Variants in ZNF862 observed in about 807,000 individuals in gnomAD.
ZNF862 encodes the protein zinc finger protein 862.
Under a neutral mutation model 91.1 loss-of-function variants are expected in ZNF862, and 64 were observed. The ratio of observed to expected loss-of-function variants is 0.70; its 90% CI spans 0.57 to 0.87. The LOEUF (loss-of-function observed/expected upper bound fraction) is 0.87. ZNF862 is among the 40% of genes least tolerant of loss of function. The pLI, the probability that ZNF862 is intolerant of heterozygous loss-of-function variation, is 0.00. For missense variants in ZNF862, 1,459 were observed against 1,528.0 expected (o/e 0.95, Z 0.75); for synonymous variants, 631 against 618.1 (o/e 1.02, Z -0.31).
rs1802526113 is a variant in ZNF862 at position 149,861,987 on chromosome 7, C to T, written c.2827C>T (p.Gln943Ter). ...QQRFDADRPP[Q>*]LKNMEVFDTM... ...GAGGTTTGACGCAGACCGACCCCCACAGCTGAAGAACATGGAGGTGTTTGA... is the reference window on the plus strand; with the variant it reads ...GAGGTTTGACGCAGACCGACCCCCATAGCTGAAGAACATGGAGGTGTTTGA... The change falls in exon 7 of 8, where the codon CAG (glutamine) becomes TAG (stop). Residue 943 changes from glutamine to a stop codon, truncating the protein, a stop_gained. Coordinates refer to ENST00000223210, the MANE Select transcript of ZNF862 (RefSeq NM_001099220.3). LOFTEE classifies it high-confidence loss of function. This position sits in a 1 kb window ranked among gnomAD's most constrained non-coding sequence, Gnocchi z 6.7. The T allele has an allele frequency of 6.2e-7, 1 of 1,613,780 alleles. No homozygotes were observed. Among genetic ancestry groups the T allele is most frequent in the Non-Finnish European group, 8.5e-7 (1 of 1,179,896 alleles).
chr7:149,840,955 C>G, intron 1 of ZNF862: 4 of 985,390 alleles, frequency 4.1e-6, no homozygotes, highest in Non-Finnish European at 4.8e-6. Context: ...AAACCTGATT[C>G]CGTGTCCTGT....
At position 149,848,083 on chromosome 7, in the gene ZNF862, A is replaced by T; in HGVS notation, c.590A>T (p.Lys197Met). 1 of 1,614,080 alleles carries T rather than the reference A, an allele frequency of 6.2e-7. No individual in the cohort carries two copies. The highest frequency in any genetic ancestry group is 8.5e-7 in the Non-Finnish European group (1 of 1,179,902). Reference protein sequence around the residue: ...VETLKYHAKSKAHMFCVNALA... With the variant: ...VETLKYHAKSMAHMFCVNALA... ...ACTCTCAAATACCACGCGAAGAGCA[A>T]GGCCCACATGTTCTGTGTCAATGCC... The change falls in exon 4 of 8, where the codon AAG (lysine) becomes ATG (methionine). Residue 197 changes from lysine (K) to methionine (M), a missense_variant. Lys to Met is a moderately conservative substitution (Grantham distance 95, BLOSUM62 -1). Transcript: ENST00000223210.
intron 1 of ZNF862, among the ~76,000 whole-genome samples, chr7:149,843,042 A>G (rs1254796815): frequency 2.6e-5 from 4 of 152,372 alleles, no homozygotes. Context: ...GAGGTTATAT[A>G]CCAAATGTTA....
chr7:149,845,798 C>A (rs1801847550), intron 2 of ZNF862, among the ~76,000 whole-genome samples: 1 of 152,176 alleles, frequency 6.6e-6, no homozygotes, highest in Admixed American at 6.5e-5. Context: ...TCCCTTACGT[C>A]TTGCAGGTTG....
At chr7:149,853,085 G>A (rs906348233) in intron 5 of ZNF862, among the ~76,000 whole-genome samples, 1 of 152,168 alleles carries the variant, frequency 6.6e-6, no homozygotes, top group Non-Finnish European at 1.5e-5. Context: ...GGCTAGAGTG[G>A]CATCTATTTA....
Position 149,859,576 on chromosome 7 carries a change from G to A in ZNF862, c.1222+50G>A, listed in dbSNP as rs576099382. ...GAAGGACATGTGCCAGGGCCCAGGCGGCTATGATGAGTCAAACAGCATGAG... is the reference window on the plus strand; with the variant it reads ...GAAGGACATGTGCCAGGGCCCAGGCAGCTATGATGAGTCAAACAGCATGAG... On this transcript the variant is annotated intron_variant, in intron 6 of 7. Coordinates refer to ENST00000223210, the MANE Select transcript of ZNF862 (RefSeq NM_001099220.3). 1.7e-5 allele frequency: 25 copies of A among 1,441,388 alleles called. 1 individual carries two copies. Among genetic ancestry groups the A allele is most frequent in the East Asian group, 1.2e-4 (5 of 40,396 alleles). The allele number at this position is 1,441,388 out of a possible 1,614,324, so 89.3% of individuals were successfully genotyped here.
Position 149,862,108 on chromosome 7 carries a change from G to C in ZNF862, c.2948G>C (p.Gly983Ala). ...TATTTCGAGTGCTCCCTCCCAACAGGATACAGTGAGGAAGCTCTGCTGGAG... is the reference window on the plus strand; with the variant it reads ...TATTTCGAGTGCTCCCTCCCAACAGCATACAGTGAGGAAGCTCTGCTGGAG... ...ARYFECSLPT[G>A]YSEEALLEEW... Residue 983 changes from glycine to alanine, a missense_variant, in exon 7 of 8, where the codon GGA becomes GCA. By Grantham distance (60) the Gly-to-Ala change is moderately conservative (BLOSUM62 0). Transcript: ENST00000223210. 1 of 1,613,594 alleles carries C rather than the reference G, an allele frequency of 6.2e-7. No individual in the cohort carries two copies. The highest frequency in any genetic ancestry group is 1.1e-5 in the South Asian group (1 of 91,088).
chr7:149,843,649 T>C (rs1801777989), intron 1 of ZNF862, among the ~76,000 whole-genome samples: 1 of 152,156 alleles, frequency 6.6e-6, no homozygotes, highest in South Asian at 2.1e-4. Context: ...TCTGCTGACA[T>C]TTAGTGGTGG....
chr7:149,860,687 G>A lies in ZNF862; in HGVS notation c.1527G>A (p.Gly509=). 1.2e-6 allele frequency: 2 copies of A among 1,613,884 alleles called. No homozygotes were observed. Among genetic ancestry groups the A allele is most frequent in the East Asian group, 2.2e-5 (1 of 44,878 alleles). Reference sequence around the variant, plus strand: ...CTCGGTTAGTCAGAGGTTACACGGGGCCTTTTAAAGTGGAGACTTTAAAAT... The same window carrying A: ...CTCGGTTAGTCAGAGGTTACACGGGACCTTTTAAAGTGGAGACTTTAAAAT... ...KSSRLVRGYT[G]PFKVETLKYH... Residue 509 remains glycine (G), a synonymous_variant, in exon 7 of 8, where the codon GGG becomes GGA. Coordinates refer to ENST00000223210, the MANE Select transcript of ZNF862 (RefSeq NM_001099220.3).
chr7:149,860,068 G>A (rs369337847), intron 6 of ZNF862: 58 of 376,746 alleles, frequency 1.5e-4, no homozygotes, highest in African/African-American at 1.0e-3. Context: ...AACAGTCTCT[G>A]TGGCCAAGGG....
rs140689706 is a variant in ZNF862 at position 149,861,575 on chromosome 7, C to G, written c.2415C>G (p.Pro805=). The G allele has an allele frequency of 6.3e-7, 1 of 1,595,098 alleles. No individual in the cohort carries two copies. The highest frequency in any genetic ancestry group is 2.3e-5 in the East Asian group (1 of 44,106). The part of the protein sequence containing the change: ...RTLHALLVSW[P]ALARHLQRVA... Reference sequence around the variant, plus strand: ...TGCACGCGCTGCTCGTGAGCTGGCCCGCCCTGGCCAGGCACCTCCAGAGGG... The same window carrying G: ...TGCACGCGCTGCTCGTGAGCTGGCCGGCCCTGGCCAGGCACCTCCAGAGGG... The change falls in exon 7 of 8, where the codon CCC becomes CCG. Residue 805 remains proline, a synonymous_variant. Transcript: ENST00000223210. This position sits in a 1 kb window ranked among gnomAD's most constrained non-coding sequence, Gnocchi z 6.7.
chr7:149,853,295 G>C (rs1426855618), intron 5 of ZNF862, among the ~76,000 whole-genome samples: 1 of 152,244 alleles, frequency 6.6e-6, no homozygotes, highest in African/African-American at 2.4e-5. Flanking sequence ...GGAAGGATGA[G>C]GAGTCCTTTG....
intron 6 of ZNF862, chr7:149,859,904 T>C (rs1802400133): frequency 7.7e-6 from 2 of 259,272 alleles, no homozygotes; most frequent in Non-Finnish European, 1.5e-5. Flanking sequence ...TGAGAATTCG[T>C]TGTCTTGCCT....
chr7:149,847,050 T>C (rs995961992), intron 3 of ZNF862, among the ~76,000 whole-genome samples: 4 of 152,236 alleles, frequency 2.6e-5, no homozygotes, highest in African/African-American at 9.6e-5. Context: ...TAAGAAGTGG[T>C]TCCACAGGAG....
In ZNF862 at chr7:149,838,634, A is replaced by G. The variant is rs1175761361; in HGVS notation, c.23A>G (p.Lys8Arg). 1.6e-6 allele frequency: 2 copies of G among 1,227,298 alleles called. No individual in the cohort carries two copies. The highest frequency in any genetic ancestry group is 2.0e-6 in the Non-Finnish European group (2 of 979,502). The allele number at this position is 1,227,298 out of a possible 1,614,324, so 76.0% of individuals were successfully genotyped here. The change falls in exon 1 of 8, where the codon AAG (lysine) becomes AGG (arginine). Residue 8 changes from lysine to arginine, a missense_variant and splice_region_variant. Coordinates refer to ENST00000223210, the MANE Select transcript of ZNF862 (RefSeq NM_001099220.3). MEPRESG[K>R]APVTFDDITV... ...GCCATGGAGCCCAGAGAGTCGGGGA[A>G]GGTAGGACTGGAAGGCCCGGGGGCC... is the stretch of plus-strand genomic sequence containing the variant.
chr7:149,851,910 T>C (rs954683907), intron 5 of ZNF862: 6 of 152,214 alleles, frequency 3.9e-5, no homozygotes, highest in African/African-American at 1.4e-4. Context: ...GGGGTGGGCC[T>C]GGCCTCTCCG....
rs191476143 is a variant in ZNF862, at chr7:149,846,057, C to T, written c.137-94C>T. On this transcript the variant is annotated intron_variant, in intron 2 of 7. Coordinates refer to ENST00000223210, the MANE Select transcript of ZNF862 (RefSeq NM_001099220.3). Reference sequence around the variant, plus strand: ...CTTATCTCACCATGCCGAGAGATGTCGCAGACAGATACCTCCTTCGTGTTG... The same window carrying T: ...CTTATCTCACCATGCCGAGAGATGTTGCAGACAGATACCTCCTTCGTGTTG... 46 of 865,848 alleles carry T rather than the reference C, an allele frequency of 5.3e-5. No individual in the cohort carries two copies. The East Asian group carries it at 6.7e-4, about 13-fold the overall frequency. The allele number at this position is 865,848 out of a possible 1,614,324, so 53.6% of individuals were successfully genotyped here.
intron 2 of ZNF862, among the ~76,000 whole-genome samples, chr7:149,845,736 G>T (rs1429511049): frequency 6.6e-6 from 1 of 152,154 alleles, no homozygotes; most frequent in Non-Finnish European, 1.5e-5. Context: ...GGTGTGGCAG[G>T]GCTGAGCCTG....
At position 149,850,467 on chromosome 7, in the gene ZNF862, C is replaced by G. The variant is rs548534593; in HGVS notation, c.1117+129C>G. 784 of 937,532 alleles carry G rather than the reference C, an allele frequency of 8.4e-4. 3 individuals carry two copies. The highest frequency in any genetic ancestry group is 1.3e-3 in the Admixed American group (48 of 35,624). 58.1% of individuals were successfully genotyped at this position (937,532 alleles called of 1,614,324 possible). On this transcript the variant is annotated intron_variant, in intron 5 of 7. Coordinates refer to ENST00000223210, the MANE Select transcript of ZNF862 (RefSeq NM_001099220.3). This position sits in a 1 kb window ranked among gnomAD's most constrained non-coding sequence, Gnocchi z 4.2. ...GTGTGTAGGCAGAGACCGATCCTGT[C>G]TTTTGCACCTCATAACTCCCCTGCT...
Sources: gnomAD v4.1 joint callset for allele counts (sites outside exome capture counted in the v4.1 genomes callset) on GRCh38, gnomAD v4.1.1 for gene constraint, Gnocchi (gnomAD v3.1) non-coding constraint, MANE v1.5 for transcripts, NCBI Gene and HGNC (gene_info 2026-07-23, HGNC 2026-07-21) for gene names.